TESK2: variants seen among roughly 807,000 people sequenced by gnomAD.
The protein encoded by TESK2 is dual specificity testis-specific protein kinase 2.
In TESK2, 39 loss-of-function variants were observed where a neutral mutation model predicts 57.1. The observed-to-expected ratio is 0.68, with a 90% CI of 0.53 to 0.89. The LOEUF is 0.89. TESK2 is among the 40% of genes least tolerant of loss of function. The pLI is 0.00. For missense variants in TESK2, 646 were observed against 732.1 expected (o/e 0.88, Z 1.36); for synonymous variants, 249 against 267.9 (o/e 0.93, Z 0.69).
chr1:45,345,664 C>T (rs1227005813), intron 10 of TESK2, 106 bp from the exon 11 acceptor site: 2 of 1,113,168 alleles, frequency 1.8e-6, no homozygotes, highest in Non-Finnish European at 1.3e-6. Flanking sequence ...ATACCATGGC[C>T]CTGTTTTACC....
chr1:45,346,746 T>A lies in TESK2; in HGVS notation c.826A>T (p.Met276Leu). Residue 276 changes from methionine (M) to leucine (L), a missense_variant, in exon 9 of 11, where the codon ATG becomes TTG. Physicochemically the swap from Met to Leu is conservative, Grantham distance 15 (BLOSUM62 2). Transcript: ENST00000372086. ...AAATCTGGGGGACAGTCTCCCACCA[T>A]GTGCTGGAAAGCATCATAGTCCAGC... ...FGLDYDAFQH[M>L]VGDCPPDFLQ... 1 of 1,614,098 alleles carries A rather than the reference T, an allele frequency of 6.2e-7. No individual in the cohort carries two copies. The highest frequency in any genetic ancestry group is 8.5e-7 in the Non-Finnish European group (1 of 1,180,016).
intron 4 of TESK2, among the ~76,000 whole-genome samples, chr1:45,358,206 G>A (rs1309170466): frequency 4.6e-5 from 7 of 151,672 alleles, no homozygotes; most frequent in African/African-American, 1.7e-4. Context: ...CCAGCTACTC[G>A]GGAAGTTGAG....
intron 2 of TESK2, among the ~76,000 whole-genome samples, chr1:45,422,818 A>T (rs1650532776): frequency 8.0e-6 from 1 of 125,234 alleles, no homozygotes; most frequent in Non-Finnish European, 1.8e-5. Context: ...CACCCAGGCT[A>T]GAGTGCAGTG....
chr1:45,477,440 T>G (rs1476538338), intron 1 of TESK2, among the ~76,000 whole-genome samples: 1 of 151,982 alleles, frequency 6.6e-6, no homozygotes, highest in Non-Finnish European at 1.5e-5. Flanking sequence ...CTGGCCAACA[T>G]GGCTAAACCC....
At chr1:45,365,328 T>C (rs554941752) in intron 4 of TESK2, among the ~76,000 whole-genome samples, 17 of 152,264 alleles carry the variant, frequency 1.1e-4, no homozygotes, top group African/African-American at 3.1e-4. Context: ...TCAGTAGTAA[T>C]GAGCTGACTC....
At chr1:45,365,070 A>G (rs1405757722) in intron 4 of TESK2, among the ~76,000 whole-genome samples, 1 of 152,220 alleles carries the variant, frequency 6.6e-6, no homozygotes, top group Non-Finnish European at 1.5e-5. Context: ...GGCTCCAAAC[A>G]CAAAGGCTAG....
chr1:45,437,331 T>C (rs750175246), intron 2 of TESK2, among the ~76,000 whole-genome samples: 3 of 152,202 alleles, frequency 2.0e-5, no homozygotes, highest in African/African-American at 4.8e-5. Context: ...GTACTGTAAT[T>C]GGGATTGCCT....
At chr1:45,358,615 G>T (rs1371649460) in intron 4 of TESK2, among the ~76,000 whole-genome samples, 3 of 151,810 alleles carry the variant, frequency 2.0e-5, no homozygotes, top group African/African-American at 7.3e-5. Context: ...ACCCTATAAG[G>T]TAGGTACACT....
intron 4 of TESK2, among the ~76,000 whole-genome samples, chr1:45,370,234 C>T (rs989977608): frequency 2.0e-5 from 3 of 152,126 alleles, no homozygotes; most frequent in Non-Finnish European, 2.9e-5. Flanking sequence ...ATCCTGAATT[C>T]CATTTTTAAA....
At chr1:45,429,501 C>A (rs1650861402) in intron 2 of TESK2, among the ~76,000 whole-genome samples, 1 of 152,050 alleles carries the variant, frequency 6.6e-6, no homozygotes, top group Non-Finnish European at 1.5e-5. Context: ...CATCTTTGAT[C>A]TAATCCTTCC....
intron 3 of TESK2, chr1:45,414,939 G>A: frequency 2.0e-6 from 1 of 503,336 alleles, no homozygotes. Context: ...CACTCAACAA[G>A]TGTTTAGTGA....
At chr1:45,400,812 A>G (rs1281663352) in intron 3 of TESK2, among the ~76,000 whole-genome samples, 7 of 152,008 alleles carry the variant, frequency 4.6e-5, no homozygotes, top group Non-Finnish European at 1.0e-4. Flanking sequence ...ACCTGAGGCC[A>G]GGAGTTCAAG....
intron 4 of TESK2, among the ~76,000 whole-genome samples, chr1:45,364,281 C>T (rs892903464): frequency 2.0e-5 from 3 of 152,122 alleles, no homozygotes; most frequent in Non-Finnish European, 4.4e-5. Flanking sequence ...TGGAGTAGGG[C>T]AGGCCCTTAA....
intron 3 of TESK2, among the ~76,000 whole-genome samples, chr1:45,391,106 T>C (rs997245921): frequency 2.6e-5 from 4 of 151,546 alleles, no homozygotes; most frequent in Non-Finnish European, 4.4e-5. Flanking sequence ...TTAGTAGAGA[T>C]GGGGTTTCAC....
intron 2 of TESK2, among the ~76,000 whole-genome samples, chr1:45,433,065 CTTTTTTTTTTTTTTTT>C (rs150419974): frequency 4.6e-5 from 2 of 43,610 alleles, no homozygotes; most frequent in African/African-American, 2.1e-4. Flanking sequence ...CGCCCAGCCG[CTTTTTTTTTTTTTTTT>C]TTTTTTTTTT....
intron 1 of TESK2, among the ~76,000 whole-genome samples, chr1:45,478,561 T>C (rs539218029): frequency 2.0e-5 from 3 of 152,216 alleles, no homozygotes; most frequent in Non-Finnish European, 4.4e-5. Context: ...GTAAAAAACA[T>C]ACTCCTTCTT....
At chr1:45,458,654 A>G (rs1158574496) in intron 1 of TESK2, among the ~76,000 whole-genome samples, 1 of 152,042 alleles carries the variant, frequency 6.6e-6, no homozygotes, top group Non-Finnish European at 1.5e-5. Context: ...ATAGCCTCAT[A>G]TAATATTTTA....
chr1:45,468,907 G>T (rs1652658125), intron 1 of TESK2, among the ~76,000 whole-genome samples: 1 of 152,128 alleles, frequency 6.6e-6, no homozygotes. Context: ...AATCATTTTT[G>T]TTCTTAGACT....
chr1:45,453,562 A>C (rs61788285), intron 2 of TESK2, among the ~76,000 whole-genome samples: 36,589 of 152,044 alleles, frequency 0.24, 4,538 homozygotes, highest in East Asian at 0.36. Flanking sequence ...AATAACCTAA[A>C]TGTAAGAGCT....
Sources: allele counts gnomAD v4.1 joint callset (sites outside exome capture counted in the v4.1 genomes callset), GRCh38; gene constraint gnomAD v4.1.1; transcripts MANE v1.5; gene names NCBI Gene and HGNC (gene_info 2026-07-23, HGNC 2026-07-21).